PKD2L1: variants seen among roughly 807,000 people sequenced by gnomAD.
PKD2L1 encodes polycystin 2 like 1, transient receptor potential cation channel.
PKD2L1 carries 77 observed loss-of-function variants against 93.0 expected under a neutral mutation model. The ratio of observed to expected loss-of-function variants is 0.83; its 90% CI spans 0.69 to 1.00. The LOEUF (loss-of-function observed/expected upper bound fraction) is 1.00, where lower values mean the gene tolerates loss of function less well. Among genes scored for constraint, PKD2L1 ranks in the 50% least tolerant of loss-of-function variants. The pLI is 0.00. For synonymous variants in PKD2L1, 390 were observed against 388.0 expected (o/e 1.01, Z -0.06); for missense variants, 977 against 990.9 (o/e 0.99, Z 0.19).
chr10:100,297,685 C>T (rs1222309849), intron 4 of PKD2L1, 79 bp from the exon 5 acceptor site: 2 of 951,360 alleles, frequency 2.1e-6, no homozygotes, highest in Non-Finnish European at 3.2e-6. Context: ...ATTGTCTGGG[C>T]TTTACAGGTT....
In PKD2L1 at chr10:100,299,652, T is replaced by A; in HGVS notation, c.416A>T (p.His139Leu). Reference protein sequence around the residue: ...YTKVMSELFLHTPSDTGVSFQ... With the variant: ...YTKVMSELFLLTPSDTGVSFQ... ...GGAGACTCCAGTGTCTGATGGAGTA[T>A]GTAAGAAGAGCTCAGACATCACTTT... The change falls in exon 3 of 16, where the codon CAT becomes CTT. Residue 139 changes from histidine (H) to leucine (L), a missense_variant. Coordinates refer to ENST00000318222, the MANE Select transcript of PKD2L1 (RefSeq NM_016112.3). 9 of 1,613,422 alleles carry A rather than the reference T, an allele frequency of 5.6e-6. No homozygotes were observed. Among genetic ancestry groups the A allele is most frequent in the Non-Finnish European group, 7.6e-6 (9 of 1,179,332 alleles).
At chr10:100,317,133 T>C (rs1324434001) in intron 2 of PKD2L1, among the ~76,000 whole-genome samples, 2 of 152,058 alleles carry the variant, frequency 1.3e-5, no homozygotes, top group African/African-American at 4.8e-5. Context: ...TCAGGAAAAA[T>C]GTAAATATGT....
At chr10:100,327,409 T>C (rs935391346) in intron 2 of PKD2L1, among the ~76,000 whole-genome samples, 2 of 152,224 alleles carry the variant, frequency 1.3e-5, no homozygotes, top group Non-Finnish European at 2.9e-5. Flanking sequence ...AATGCATCAG[T>C]GCACTGAGAT....
At chr10:100,301,964 T>C (rs1421806918) in intron 2 of PKD2L1, among the ~76,000 whole-genome samples, 1 of 152,198 alleles carries the variant, frequency 6.6e-6, no homozygotes, top group Admixed American at 6.5e-5. Flanking sequence ...GCCTCCCAAG[T>C]AGCTGGGATT....
At chr10:100,301,955 C>T (rs1848688627) in intron 2 of PKD2L1, among the ~76,000 whole-genome samples, 1 of 152,204 alleles carries the variant, frequency 6.6e-6, no homozygotes, top group Non-Finnish European at 1.5e-5. Context: ...CCTGCCTCAG[C>T]CTCCCAAGTA....
At chr10:100,329,787 C>G in intron 1 of PKD2L1, 82 bp downstream of exon 1, 1 of 929,452 alleles carries the variant, frequency 1.1e-6, no homozygotes, top group Non-Finnish European at 1.7e-6. Flanking sequence ...AGATCACATT[C>G]CACCCCCACC....
chr10:100,300,278 C>T (rs142972931), intron 2 of PKD2L1, among the ~76,000 whole-genome samples: 20 of 152,204 alleles, frequency 1.3e-4, no homozygotes, highest in South Asian at 1.0e-3. Flanking sequence ...ATGACTAGTA[C>T]GATCAGATGG....
At position 100,293,207 on chromosome 10, in the gene PKD2L1, G is replaced by A; in HGVS notation, c.1758+74C>T. On this transcript the variant is annotated intron_variant, in intron 10 of 15. Coordinates refer to ENST00000318222, the MANE Select transcript of PKD2L1 (RefSeq NM_016112.3). ...GGGCACAGGCACCTCAATCAGTCAGGAACAGACCAGGACACAGAGCCTTAG... is the reference window on the plus strand; with the variant it reads ...GGGCACAGGCACCTCAATCAGTCAGAAACAGACCAGGACACAGAGCCTTAG... 2.0e-6 allele frequency: 3 copies of A among 1,526,410 alleles called. No individual in the cohort carries two copies. The African/African-American group carries it at 4.1e-5, about 21-fold the overall frequency. The allele number at this position is 1,526,410 out of a possible 1,614,324, so 94.6% of individuals were successfully genotyped here. A position where few individuals can be genotyped will look rare whatever the true frequency, so the allele number is the denominator to read the frequency against.
chr10:100,328,808 CA>C (rs539869962), intron 2 of PKD2L1, among the ~76,000 whole-genome samples: 17 of 152,274 alleles, frequency 1.1e-4, no homozygotes, highest in African/African-American at 3.9e-4. Context: ...AAGCTGGTCT[CA>C]AAACTCCTGA....
At chr10:100,301,778 TTAAAG>T (rs758722228) in intron 2 of PKD2L1, among the ~76,000 whole-genome samples, 3 of 152,326 alleles carry the variant, frequency 2.0e-5, no homozygotes, top group East Asian at 1.9e-4. Context: ...GATTAAGAGA[TTAAAG>T]TAAAGACAGG....
At chr10:100,302,027 G>A (rs11190465) in intron 2 of PKD2L1, among the ~76,000 whole-genome samples, 8,116 of 152,064 alleles carry the variant, frequency 0.053, 719 homozygotes, top group African/African-American at 0.18. Flanking sequence ...TAGAGATGGC[G>A]TTTCTCCATG....
rs1009968024 is a variant in PKD2L1 at position 100,291,283 on chromosome 10, C to T, written c.2007+18G>A. 15 of 1,610,944 alleles carry T rather than the reference C, an allele frequency of 9.3e-6. No homozygotes were observed. The highest frequency in any genetic ancestry group is 1.3e-5 in the Non-Finnish European group (15 of 1,178,344). ...GCTATTTCCTTACACTGCCTCTCCA[C>T]CCATCAGCCCAGCTCACCCTCTCTT... On this transcript the variant is annotated intron_variant, in intron 12 of 15. Coordinates refer to ENST00000318222, the MANE Select transcript of PKD2L1 (RefSeq NM_016112.3).
chr10:100,329,813 T>G, intron 1 of PKD2L1, 56 bp downstream of exon 1: 1 of 1,248,168 alleles, frequency 8.0e-7, no homozygotes, highest in Non-Finnish European at 1.1e-6. Context: ...CCCAAAAGCT[T>G]TTGGTGACTC....
At chr10:100,317,915 TA>T (rs901105793) in intron 2 of PKD2L1, among the ~76,000 whole-genome samples, 1 of 151,602 alleles carries the variant, frequency 6.6e-6, no homozygotes, top group Non-Finnish European at 1.5e-5. Context: ...CCATCTCTAC[TA>T]AAAAAAACCA....
rs1361571054 is a variant in PKD2L1 at position 100,294,853 on chromosome 10, C to T, written c.1538+89G>A. 1.6e-5 allele frequency: 21 copies of T among 1,332,990 alleles called. No individual in the cohort carries two copies. The Middle Eastern group carries it at 5.6e-4, about 36-fold the overall frequency. The allele number at this position is 1,332,990 out of a possible 1,614,324, so 82.6% of individuals were successfully genotyped here. A position where few individuals can be genotyped will look rare whatever the true frequency, so the allele number is the denominator to read the frequency against. ...TGCTTTGAACACAGACATGCAGACA[C>T]GCACGTACCCATCTTCCCCAAGGAT... On this transcript the variant is annotated intron_variant, in intron 8 of 15. Coordinates refer to ENST00000318222, the MANE Select transcript of PKD2L1 (RefSeq NM_016112.3).
chr10:100,294,737 C>A, intron 8 of PKD2L1, 82 bp from the exon 9 acceptor site: 1 of 1,573,816 alleles, frequency 6.4e-7, no homozygotes, highest in South Asian at 1.1e-5. Context: ...AGACCCCTCA[C>A]CACACGTTCA....
chr10:100,288,704 G>C (rs952671257), intron 15 of PKD2L1, among the ~76,000 whole-genome samples: 2 of 151,920 alleles, frequency 1.3e-5, no homozygotes, highest in South Asian at 4.2e-4. Flanking sequence ...AACACACAGA[G>C]CTAAGTACAC....
intron 2 of PKD2L1, among the ~76,000 whole-genome samples, chr10:100,323,136 C>T (rs1849300033): frequency 6.6e-6 from 1 of 152,162 alleles, no homozygotes; most frequent in Non-Finnish European, 1.5e-5. Flanking sequence ...AGTACTTTCA[C>T]TTAAAGGTCT....
At chr10:100,303,449 G>A (rs1848731553) in intron 2 of PKD2L1, among the ~76,000 whole-genome samples, 1 of 152,142 alleles carries the variant, frequency 6.6e-6, no homozygotes, top group Non-Finnish European at 1.5e-5. Context: ...CTCCCAAAGT[G>A]CTGGGATTAC....
Sources: allele counts gnomAD v4.1 joint callset (sites outside exome capture counted in the v4.1 genomes callset), GRCh38; gene constraint gnomAD v4.1.1; transcripts MANE v1.5; gene names NCBI Gene and HGNC (gene_info 2026-07-23, HGNC 2026-07-21).